Variants in LRIG3 observed in about 807,000 individuals in gnomAD.
The protein encoded by LRIG3 is leucine rich repeats and immunoglobulin like domains 3, also known as leucine-rich repeats and immunoglobulin-like domains protein 3.
Under a neutral mutation model 114.5 loss-of-function variants are expected in LRIG3, and 76 were observed. That is an observed-to-expected ratio of 0.66 (90% CI 0.55 to 0.80). The LOEUF is 0.80. Among genes scored for constraint, LRIG3 ranks in the 30% least tolerant of loss-of-function variants. The pLI is 0.00. For missense variants in LRIG3, 1,239 were observed against 1,382.8 expected, an observed-to-expected ratio of 0.90 and a Z score of 1.65; for synonymous variants, 512 against 519.8, an observed-to-expected ratio of 0.98 and a Z score of 0.20.
Position 58,883,559 on chromosome 12 carries a change from T to C in LRIG3, c.1277A>G (p.Gln426Arg), listed in dbSNP as rs1871182515. ...CTTCATTTGTGAAAATGCATTGCCT[T>C]GTAAAGACATGATTGCGTTGTCACT... ...DLSDNAIMSLQGNAFSQMKKL... is the reference protein window; with the variant it reads ...DLSDNAIMSLRGNAFSQMKKL... The change falls in exon 11 of 19, where the codon CAA (glutamine) becomes CGA (arginine). Residue 426 changes from glutamine (Q) to arginine (R), a missense_variant. By Grantham distance (43) the Gln-to-Arg change is conservative. Transcript: ENST00000320743. 6.4e-7 allele frequency: 1 copy of C among 1,551,988 alleles called. No homozygotes were observed. Among genetic ancestry groups the C allele is most frequent in the Non-Finnish European group, 8.8e-7 (1 of 1,136,464 alleles).
chr12:58,873,916 T>C, intron 18 of LRIG3, 139 bp downstream of exon 18: 1 of 978,298 alleles, frequency 1.0e-6, no homozygotes, highest in Non-Finnish European at 1.5e-6. Context: ...GCATTTACAC[T>C]AACTAGTCGG....
Position 58,877,466 on chromosome 12 carries a change from G to C in LRIG3, c.2470C>G (p.Leu824Val). 3 of 1,614,172 alleles carry C rather than the reference G, an allele frequency of 1.9e-6. No homozygotes were observed. Among genetic ancestry groups the C allele is most frequent in the Non-Finnish European group, 8.5e-7 (1 of 1,180,038 alleles). ...AVVCCVVGTS[L>V]VWVVIIYHTR... ...TGGTATATGATGACCACCCACACGA[G>C]TGACGTGCCCACCACACAGCAAACC... Residue 824 changes from leucine (L) to valine (V), a missense_variant, in exon 15 of 19, where the codon CTC becomes GTC. By Grantham distance (32) the Leu-to-Val change is conservative. Transcript: ENST00000320743.
rs765295720 is a variant in LRIG3, at chr12:58,872,670, T to G, written c.3262A>C (p.Arg1088=). The G allele has an allele frequency of 8.1e-6, 13 of 1,614,046 alleles. No homozygotes were observed. The highest frequency in any genetic ancestry group is 1.1e-5 in the Non-Finnish European group (13 of 1,180,010). ...TGATTTTCTTCCTGAAAATCTGTCC[T>G]TTCTTTCCCATCTTCCTCTGACCCA... ...DSGSEEDGKE[R]TDFQEENHIC... Residue 1088 remains arginine (R), a synonymous_variant, in exon 19 of 19, where the codon AGG becomes CGG. Coordinates refer to ENST00000320743, the MANE Select transcript of LRIG3 (RefSeq NM_153377.5).
intron 3 of LRIG3, among the ~76,000 whole-genome samples, chr12:58,898,621 A>G (rs11172806): frequency 0.048 from 7,327 of 151,830 alleles, 212 homozygotes; most frequent in African/African-American, 0.053. Flanking sequence ...TTACAGGACA[A>G]TTTGGGTGTG....
intron 1 of LRIG3, chr12:58,919,475 T>C (rs946843478): frequency 3.2e-5 from 49 of 1,551,538 alleles, no homozygotes; most frequent in Non-Finnish European, 3.9e-5. Context: ...CAGAAGTACG[T>C]CCACCATAAC....
intron 3 of LRIG3, among the ~76,000 whole-genome samples, chr12:58,908,208 C>T (rs1307357391): frequency 6.6e-6 from 1 of 152,216 alleles, no homozygotes; most frequent in African/African-American, 2.4e-5. Flanking sequence ...GTATCATCAA[C>T]ACACCCTTGA....
Position 58,914,274 on chromosome 12 carries a change from A to C in LRIG3, c.299T>G (p.Leu100Arg), listed in dbSNP as rs1053250887. 1 of 1,613,970 alleles carries C rather than the reference A, an allele frequency of 6.2e-7. No individual in the cohort carries two copies. The highest frequency in any genetic ancestry group is 8.5e-7 in the Non-Finnish European group (1 of 1,179,890). The change falls in exon 2 of 19, where the codon CTT (leucine) becomes CGT (arginine). Residue 100 changes from leucine (L) to arginine (R), a missense_variant. Physicochemically the swap from Leu to Arg is moderately radical, Grantham distance 102. Coordinates refer to ENST00000320743, the MANE Select transcript of LRIG3 (RefSeq NM_153377.5). ...AATAACGAAGACTCACACTTCTCGA[A>C]GGCTTTGAAGGTGGCTCATGGAACT... ...KASSMSHLQS[L>R]REVKLNNNEL...
chr12:58,878,962 C>A lies in LRIG3; in HGVS notation c.1945G>T (p.Glu649Ter). 3.7e-6 allele frequency: 6 copies of A among 1,614,218 alleles called. No homozygotes were observed. Among genetic ancestry groups the A allele is most frequent in the Non-Finnish European group, 4.2e-6 (5 of 1,180,046 alleles). ...TCGGGCATCACATGCATGCGTCTCTCCCGTGCAGCTGGGAAGTCTGTGCCC... is the reference window on the plus strand; with the variant it reads ...TCGGGCATCACATGCATGCGTCTCTACCGTGCAGCTGGGAAGTCTGTGCCC... ...DGGTDFPAAR[E>*]RRMHVMPEDD... The change falls in exon 14 of 19, where the codon GAG (glutamate) becomes TAG (stop). Residue 649 changes from glutamate to a stop codon, truncating the protein, a stop_gained. Coordinates refer to ENST00000320743, the MANE Select transcript of LRIG3 (RefSeq NM_153377.5). LOFTEE classifies it high-confidence loss of function.
At chr12:58,905,089 G>A (rs938005891) in intron 3 of LRIG3, among the ~76,000 whole-genome samples, 83 of 152,288 alleles carry the variant, frequency 5.5e-4, no homozygotes, top group African/African-American at 1.5e-3. Flanking sequence ...GAACTGAGGA[G>A]TGACTCCAGA....
chr12:58,880,947 G>A lies in LRIG3; in HGVS notation c.1481-46C>T, dbSNP rs1592295229. ...GAGACAAAACAATGTTAAGGCTCAA[G>A]AGTCCAAATACTACTCAAATTTGAA... is the stretch of plus-strand genomic sequence containing the variant. On this transcript the variant is annotated intron_variant, in intron 12 of 18. Transcript: ENST00000320743. 2.6e-6 allele frequency: 4 copies of A among 1,555,620 alleles called. No individual in the cohort carries two copies. The African/African-American group carries it at 4.1e-5, about 16-fold the overall frequency.
intron 3 of LRIG3, among the ~76,000 whole-genome samples, chr12:58,910,381 G>A (rs1020224841): frequency 3.1e-4 from 47 of 152,216 alleles, no homozygotes; most frequent in African/African-American, 1.1e-3. Context: ...AGGCTGAGGC[G>A]GGCGGATCAT....
At chr12:58,903,597 T>C (rs1289050372) in intron 3 of LRIG3, among the ~76,000 whole-genome samples, 2 of 151,936 alleles carry the variant, frequency 1.3e-5, no homozygotes, top group East Asian at 3.9e-4. Context: ...ATTTTGTCTT[T>C]TGTTGCCATT....
Position 58,876,524 on chromosome 12 carries a change from C to CA in LRIG3, c.2615dup (p.Ser873ValfsTer24). On this transcript the variant is annotated frameshift_variant, in exon 16 of 19. Coordinates refer to ENST00000320743, the MANE Select transcript of LRIG3 (RefSeq NM_153377.5). LOFTEE classifies it high-confidence loss of function. ...GGTGGTGGCTTCCACTTTCTGAAGA[C>CA]ACGTACCCATCCTGCCTGTCAGCTA... The CA allele has an allele frequency of 6.2e-7, 1 of 1,614,152 alleles. No homozygotes were observed. The highest frequency in any genetic ancestry group is 8.5e-7 in the Non-Finnish European group (1 of 1,180,024).
Position 58,885,944 on chromosome 12 carries a change from C to T in LRIG3, c.1173-42G>A, listed in dbSNP as rs1341638856. On this transcript the variant is annotated intron_variant, in intron 9 of 18. Coordinates refer to ENST00000320743, the MANE Select transcript of LRIG3 (RefSeq NM_153377.5). The stretch of plus-strand genomic sequence containing the variant: ...CATTGGAGCACTTAATTTAAAAAGC[C>T]ATTTTGGGGTGGAACTCTCATAAAC... 2.9e-6 allele frequency: 4 copies of T among 1,371,268 alleles called. No homozygotes were observed. In the African/African-American group the frequency reaches 5.9e-5, roughly 20 times the overall value. The allele number at this position is 1,371,268 out of a possible 1,614,324, so 84.9% of individuals were successfully genotyped here.
chr12:58,872,697 A>T lies in LRIG3; in HGVS notation c.3235T>A (p.Ser1079Thr), dbSNP rs1161664112. The change falls in exon 19 of 19, where the codon TCT (serine) becomes ACT (threonine). Residue 1079 changes from serine (S) to threonine (T), a missense_variant. Transcript: ENST00000320743. The part of the protein sequence containing the change: ...LKAHSSPDLD[S>T]GSEEDGKERT... ...TCTTTCCCATCTTCCTCTGACCCAGAGTCCAAGTCTGGGGAAGAATGAGCT... is the reference window on the plus strand; with the variant it reads ...TCTTTCCCATCTTCCTCTGACCCAGTGTCCAAGTCTGGGGAAGAATGAGCT... The T allele has an allele frequency of 6.2e-7, 1 of 1,614,132 alleles. No homozygotes were observed. Among genetic ancestry groups the T allele is most frequent in the East Asian group, 2.2e-5 (1 of 44,862 alleles).
chr12:58,915,972 C>G (rs888060971), intron 1 of LRIG3, among the ~76,000 whole-genome samples: 2 of 152,146 alleles, frequency 1.3e-5, no homozygotes, highest in Non-Finnish European at 2.9e-5. Context: ...AGCATTGAGC[C>G]AGCGTAAAAC....
At position 58,877,691 on chromosome 12, in the gene LRIG3, T is replaced by C. The variant is rs1236317801; in HGVS notation, c.2245A>G (p.Asn749Asp). The C allele has an allele frequency of 6.2e-7, 1 of 1,614,076 alleles. No individual in the cohort carries two copies. The highest frequency in any genetic ancestry group is 8.5e-7 in the Non-Finnish European group (1 of 1,180,040). The change falls in exon 15 of 19, where the codon AAT (asparagine) becomes GAT (aspartate). Residue 749 changes from asparagine (N) to aspartate (D), a missense_variant. By Grantham distance (23) the Asn-to-Asp change is conservative. Coordinates refer to ENST00000320743, the MANE Select transcript of LRIG3 (RefSeq NM_153377.5). ...VTERHFFAAG[N>D]QLLIIVDSDV... ...GAGTCCACAATAATCAGAAGCTGAT[T>C]GCCTGCTGCAAAAAAGTGCCTCTCG...
At chr12:58,890,911 C>A (rs1871436440) in intron 3 of LRIG3, 115 bp from the exon 4 acceptor site, 1 of 940,358 alleles carries the variant, frequency 1.1e-6, no homozygotes, top group Non-Finnish European at 1.5e-6. Context: ...CTAATCTGAA[C>A]AGTACTTTTA....
Position 58,886,920 on chromosome 12 carries a change from G to C in LRIG3, c.1092-30C>G. 2.5e-6 allele frequency: 4 copies of C among 1,583,774 alleles called. No individual in the cohort carries two copies. The South Asian group carries it at 3.3e-5, about 13-fold the overall frequency. ...TTTTAAAAGAAGCATTCCCTTTAGAGTGATAAGCTCAGAAAGCCTAGTATC... is the reference window on the plus strand; with the variant it reads ...TTTTAAAAGAAGCATTCCCTTTAGACTGATAAGCTCAGAAAGCCTAGTATC... On this transcript the variant is annotated intron_variant, in intron 8 of 18. Coordinates refer to ENST00000320743, the MANE Select transcript of LRIG3 (RefSeq NM_153377.5).
Sources: gnomAD v4.1 joint callset for allele counts (sites outside exome capture counted in the v4.1 genomes callset) on GRCh38, gnomAD v4.1.1 for gene constraint, MANE v1.5 for transcripts, NCBI Gene and HGNC (gene_info 2026-07-23, HGNC 2026-07-21) for gene names.